Variants in SCHIP1 observed in about 807,000 individuals in gnomAD.
SCHIP1 encodes schwannomin-interacting protein 1.
SCHIP1 carries 8 observed loss-of-function variants against 29.7 expected under a neutral mutation model. The observed-to-expected ratio is 0.27, with a 90% confidence interval of 0.16 to 0.49. SCHIP1 has a LOEUF of 0.49. Among genes scored for constraint, SCHIP1 ranks in the 20% least tolerant of loss-of-function variants. The probability of loss-of-function intolerance (pLI) is 0.99; values close to 1 mark genes in which losing one functional copy is unlikely to be tolerated. For missense variants in SCHIP1, 193 were observed against 294.6 expected (o/e 0.66, Z 2.52); for synonymous variants, 76 against 94.9 (o/e 0.80, Z 1.16).
At chr3:159,585,560 C>T in the SCHIP1 span, among the ~76,000 whole-genome samples, 1 of 152,022 alleles carries the variant, frequency 6.6e-6, no homozygotes, top group Non-Finnish European at 1.5e-5. Flanking sequence ...TGTATTTTTG[C>T]CTTTCAGGTT....
chr3:159,825,002 C>T, the SCHIP1 span, among the ~76,000 whole-genome samples: 3 of 152,130 alleles, frequency 2.0e-5, no homozygotes, highest in African/African-American at 7.2e-5. Flanking sequence ...GGCCATTTTG[C>T]CTTCTATTCT....
At chr3:159,432,965 A>C in the SCHIP1 span, among the ~76,000 whole-genome samples, 1 of 152,182 alleles carries the variant, frequency 6.6e-6, no homozygotes, top group Non-Finnish European at 1.5e-5. Context: ...CCAGCTGCTT[A>C]GAGTAGGGCA....
chr3:159,385,472 G>T, the SCHIP1 span, among the ~76,000 whole-genome samples: 1 of 151,616 alleles, frequency 6.6e-6, no homozygotes, highest in Admixed American at 6.6e-5. Context: ...TATGAGAATT[G>T]CTTGAACCTG....
the SCHIP1 span, among the ~76,000 whole-genome samples, chr3:159,624,129 G>A: frequency 1.3e-5 from 2 of 152,012 alleles, no homozygotes; most frequent in African/African-American, 2.4e-5. Flanking sequence ...CTCTTTATTG[G>A]CCCAGGAATT....
At chr3:159,623,052 A>G in the SCHIP1 span, among the ~76,000 whole-genome samples, 1 of 152,372 alleles carries the variant, frequency 6.6e-6, no homozygotes, top group East Asian at 1.9e-4. Context: ...AATACCTTCC[A>G]TTAGAAAAAC....
chr3:159,675,738 C>T, the SCHIP1 span, among the ~76,000 whole-genome samples: 1 of 152,208 alleles, frequency 6.6e-6, no homozygotes, highest in African/African-American at 2.4e-5. Flanking sequence ...ATCCCTCCTA[C>T]TTGGAAATTG....
At chr3:159,727,361 A>T in the SCHIP1 span, among the ~76,000 whole-genome samples, 1 of 152,182 alleles carries the variant, frequency 6.6e-6, no homozygotes, top group African/African-American at 2.4e-5. Flanking sequence ...ACAAGAACAT[A>T]AGTTCCATGA....
At chr3:159,882,454 T>G (rs115115442) in intron 2 of SCHIP1, among the ~76,000 whole-genome samples, 1,815 of 151,794 alleles carry the variant, frequency 0.012, 35 homozygotes, top group African/African-American at 0.042. Flanking sequence ...AAGTAGAAAA[T>G]CAAGAAAAAA....
At chr3:159,290,024 A>T in the SCHIP1 span, among the ~76,000 whole-genome samples, 2 of 152,192 alleles carry the variant, frequency 1.3e-5, no homozygotes, top group Admixed American at 1.3e-4. Flanking sequence ...AACACCAAAT[A>T]TGGGGCATGA....
At chr3:159,714,782 G>A in the SCHIP1 span, among the ~76,000 whole-genome samples, 2 of 152,246 alleles carry the variant, frequency 1.3e-5, no homozygotes, top group Non-Finnish European at 2.9e-5. Flanking sequence ...TCAGCTCAAG[G>A]AGGCCCACCT....
the SCHIP1 span, among the ~76,000 whole-genome samples, chr3:159,359,507 G>T: frequency 2.0e-5 from 3 of 152,086 alleles, no homozygotes; most frequent in Admixed American, 1.3e-4. Flanking sequence ...ATTAAAAGAT[G>T]TCACACAGAT....
chr3:159,668,700 A>T, the SCHIP1 span, among the ~76,000 whole-genome samples: 3 of 152,156 alleles, frequency 2.0e-5, no homozygotes, highest in Non-Finnish European at 4.4e-5. Flanking sequence ...AACAACTATT[A>T]ATAGTTCAGA....
At chr3:159,306,671 A>C in the SCHIP1 span, 2 of 399,750 alleles carry the variant, frequency 5.0e-6, no homozygotes, top group East Asian at 3.2e-4. Flanking sequence ...AAATTTTGAC[A>C]TCATATGATT....
the SCHIP1 span, among the ~76,000 whole-genome samples, chr3:159,649,726 A>C: frequency 3.3e-5 from 5 of 152,176 alleles, no homozygotes; most frequent in Admixed American, 1.3e-4. Context: ...ATTGATGGAG[A>C]GATTTCCATT....
chr3:159,594,396 T>C, the SCHIP1 span, among the ~76,000 whole-genome samples: 31,174 of 152,180 alleles, frequency 0.2, 8,693 homozygotes, highest in African/African-American at 0.63. Context: ...TGTTTGCCTG[T>C]TAAGATAAAG....
the SCHIP1 span, among the ~76,000 whole-genome samples, chr3:159,293,859 A>AT: frequency 1.3e-5 from 2 of 152,062 alleles, no homozygotes. Context: ...CTTTCAGATA[A>AT]TTTTTTTCTT....
chr3:159,307,604 T>C, the SCHIP1 span, among the ~76,000 whole-genome samples: 1,653 of 152,334 alleles, frequency 0.011, 18 homozygotes, highest in African/African-American at 0.019. Context: ...TTGTTTTTGT[T>C]GCAATTGCTT....
the SCHIP1 span, among the ~76,000 whole-genome samples, chr3:159,478,570 T>C: frequency 1.3e-5 from 2 of 152,298 alleles, no homozygotes; most frequent in African/African-American, 4.8e-5. Flanking sequence ...TCAGGGTCTT[T>C]TGTGTTTTCA....
the SCHIP1 span, among the ~76,000 whole-genome samples, chr3:159,501,211 C>G: frequency 6.6e-6 from 1 of 152,134 alleles, no homozygotes; most frequent in Non-Finnish European, 1.5e-5. Flanking sequence ...TGGCTGTGTT[C>G]TTATCTATTG....
Sources: gnomAD v4.1 joint callset for allele counts (sites outside exome capture counted in the v4.1 genomes callset) on GRCh38, gnomAD v4.1.1 for gene constraint, MANE v1.5 for transcripts, NCBI Gene and HGNC (gene_info 2026-07-23, HGNC 2026-07-21) for gene names.